Variants in VEGFB observed in about 807,000 individuals in gnomAD.
VEGFB encodes vascular endothelial growth factor B.
VEGFB carries 24 observed loss-of-function variants against 22.5 expected under a neutral mutation model. The observed-to-expected ratio is 1.07, with a 90% confidence interval of 0.77 to 1.50. The LOEUF (loss-of-function observed/expected upper bound fraction) is 1.50, where lower values mean the gene tolerates loss of function less well. Among genes scored for constraint, VEGFB ranks in the 40% most tolerant of loss-of-function variants. The pLI, the probability that VEGFB is intolerant of heterozygous loss-of-function variation, is 0.00. For synonymous variants in VEGFB, 141 were observed against 117.4 expected, an observed-to-expected ratio of 1.20 and a Z score of -1.30; for missense variants, 327 against 287.8, an observed-to-expected ratio of 1.14 and a Z score of -0.99.
Position 64,235,988 on chromosome 11 carries a change from G to A in VEGFB, c.279G>A (p.Gly93=). 6.2e-7 allele frequency: 1 copy of A among 1,600,390 alleles called. No homozygotes were observed. The highest frequency in any genetic ancestry group is 8.5e-7 in the Non-Finnish European group (1 of 1,174,130). Residue 93 remains glycine (G), a synonymous_variant, in exon 3 of 7, where the codon GGG becomes GGA. Coordinates refer to ENST00000309422, the MANE Select transcript of VEGFB (RefSeq NM_003377.5). ...ATGGCCTGGAGTGTGTGCCCACTGG[G>A]CAGCACCAAGTCCGGATGCAGGTAC... is the stretch of plus-strand genomic sequence containing the variant. The part of the protein sequence containing the change: ...PDDGLECVPT[G]QHQVRMQILM...
chr11:64,235,539 A>G (rs1341878730), intron 2 of VEGFB, 39 bp downstream of exon 2: 2 of 1,605,990 alleles, frequency 1.2e-6, no homozygotes, highest in Non-Finnish European at 1.7e-6. Context: ...CAGCACTAAG[A>G]GGGTTTGTCA....
intron 3 of VEGFB, 87 bp from the exon 4 acceptor site, chr11:64,236,167 G>A: frequency 6.4e-7 from 1 of 1,563,688 alleles, no homozygotes; most frequent in African/African-American, 1.3e-5. Flanking sequence ...CCTCCCGGCT[G>A]TTGGGTGAGC....
chr11:64,235,796 T>C lies in VEGFB; in HGVS notation c.104-17T>C, dbSNP rs771010386. ...GGAAAACCAGTGAGGACTTAACCCC[T>C]ACCGGTCTGCTCCCAGTGGTGTCAT... On this transcript the variant is annotated splice_polypyrimidine_tract_variant and intron_variant, in intron 2 of 6. Transcript: ENST00000309422. 48 of 1,613,362 alleles carry C rather than the reference T, an allele frequency of 3.0e-5. No individual in the cohort carries two copies. The highest frequency in any genetic ancestry group is 3.9e-5 in the Non-Finnish European group (46 of 1,179,914).
At chr11:64,236,132 G>A (rs2029995008) in intron 3 of VEGFB, 122 bp from the exon 4 acceptor site, 2 of 1,535,254 alleles carry the variant, frequency 1.3e-6, no homozygotes, top group South Asian at 1.2e-5. Context: ...CAGGAGACAG[G>A]GTTGGGGGGA....
rs1485069271 is a variant in VEGFB, at chr11:64,237,586, G to GC, written c.579dup (p.Ala194ArgfsTer30). 1 of 1,596,040 alleles carries GC rather than the reference G, an allele frequency of 6.3e-7. No homozygotes were observed. Among genetic ancestry groups the GC allele is most frequent in the Non-Finnish European group, 8.5e-7 (1 of 1,175,424 alleles). ...CGCCCTGACCCCCGGACCTGCCGCT[G>GC]CCGCTGCCGACGCCGCAGCTTCCTC... On this transcript the variant is annotated frameshift_variant, in exon 6 of 7. Coordinates refer to ENST00000309422, the MANE Select transcript of VEGFB (RefSeq NM_003377.5). LOFTEE classifies it high-confidence loss of function.
chr11:64,235,589 C>T, intron 2 of VEGFB, 89 bp downstream of exon 2: 1 of 1,411,282 alleles, frequency 7.1e-7, no homozygotes, highest in Non-Finnish European at 1.0e-6. Context: ...TGTGTAACTC[C>T]CCTAGAAGAT....
chr11:64,235,715 G>A, intron 2 of VEGFB, 98 bp from the exon 3 acceptor site: 1 of 1,454,996 alleles, frequency 6.9e-7, no homozygotes, highest in Non-Finnish European at 9.5e-7. Context: ...GGGAGGGCTA[G>A]TGGAGGGTGG....
At position 64,237,543 on chromosome 11, in the gene VEGFB, T is replaced by C; in HGVS notation, c.534T>C (p.Ala178=). 1 of 1,608,462 alleles carries C rather than the reference T, an allele frequency of 6.2e-7. No homozygotes were observed. The highest frequency in any genetic ancestry group is 8.5e-7 in the Non-Finnish European group (1 of 1,179,326). The part of the protein sequence containing the change: ...PTPAPGPSAH[A]APSTTSALTP... ...CAGCCCCAGGCCCCTCTGCCCACGC[T>C]GCACCCAGCACCACCAGCGCCCTGA... Residue 178 remains alanine (A), a synonymous_variant, in exon 6 of 7, where the codon GCT becomes GCC. Transcript: ENST00000309422.
intron 4 of VEGFB, 69 bp downstream of exon 4, chr11:64,236,396 C>A: frequency 6.7e-7 from 1 of 1,492,480 alleles, no homozygotes; most frequent in South Asian, 1.1e-5. Flanking sequence ...TGGTGGTCCA[C>A]AGAACTGGGG....
chr11:64,236,970 C>G (rs61761270), intron 4 of VEGFB, among the ~76,000 whole-genome samples: 2 of 147,854 alleles, frequency 1.4e-5, no homozygotes, highest in East Asian at 2.1e-4. Flanking sequence ...GTAATCCCAG[C>G]TACTTGGGAG....
At chr11:64,238,277 G>C (rs1414472710) in intron 6 of VEGFB, 79 bp from the exon 7 acceptor site, 2 of 1,516,956 alleles carry the variant, frequency 1.3e-6, no homozygotes, top group African/African-American at 2.8e-5. Context: ...TGTGATCTTA[G>C]TGGGCCCGAG....
chr11:64,234,927 G>A lies in VEGFB; in HGVS notation c.60+34G>A. ...GGCCCGACAGCGCGCCCGCCCGCCC[G>A]CCGTGCCCTCTCTCAAGGTTGGCGG... On this transcript the variant is annotated intron_variant, in intron 1 of 6. Coordinates refer to ENST00000309422, the MANE Select transcript of VEGFB (RefSeq NM_003377.5). The surrounding 1 kb of genome is among the most constrained non-coding windows in gnomAD (Gnocchi z 5.3). 2 of 1,273,198 alleles carry A rather than the reference G, an allele frequency of 1.6e-6. No individual in the cohort carries two copies. The highest frequency in any genetic ancestry group is 3.1e-5 in the East Asian group (1 of 32,128). 78.9% of individuals were successfully genotyped at this position (1,273,198 alleles called of 1,614,324 possible).
chr11:64,236,406 G>A (rs1437521353), intron 4 of VEGFB, 79 bp downstream of exon 4: 4 of 1,436,258 alleles, frequency 2.8e-6, no homozygotes, highest in Non-Finnish European at 3.9e-6. Context: ...CAGAACTGGG[G>A]ACCAGGTTCC....
At chr11:64,235,021 CG>C (rs1947231736) in intron 1 of VEGFB, 128 bp downstream of exon 1, 3 of 758,206 alleles carry the variant, frequency 4.0e-6, no homozygotes, top group Non-Finnish European at 1.8e-6. Flanking sequence ...GCGGGCGTCT[CG>C]GGGGCCCGGC....
At position 64,236,274 on chromosome 11, in the gene VEGFB, G is replaced by C. The variant is rs773876987; in HGVS notation, c.321G>C (p.Pro107=). 6.2e-7 allele frequency: 1 copy of C among 1,613,888 alleles called. No homozygotes were observed. The highest frequency in any genetic ancestry group is 1.3e-5 in the African/African-American group (1 of 75,026). Residue 107 remains proline (P), a synonymous_variant, in exon 4 of 7, where the codon CCG becomes CCC. Coordinates refer to ENST00000309422, the MANE Select transcript of VEGFB (RefSeq NM_003377.5). The part of the protein sequence containing the change: ...VRMQILMIRY[P]SSQLGEMSLE... Reference sequence around the variant, plus strand: ...CACAGATCCTCATGATCCGGTACCCGAGCAGTCAGCTGGGGGAGATGTCCC... The same window carrying C: ...CACAGATCCTCATGATCCGGTACCCCAGCAGTCAGCTGGGGGAGATGTCCC...
At chr11:64,235,577 C>G in intron 2 of VEGFB, 77 bp downstream of exon 2, 1 of 1,448,606 alleles carries the variant, frequency 6.9e-7, no homozygotes, top group Non-Finnish European at 9.7e-7. Flanking sequence ...TGTCCATCAT[C>G]TTGTGTAACT....
At chr11:64,236,611 G>A (rs1006969871) in intron 4 of VEGFB, among the ~76,000 whole-genome samples, 1 of 151,290 alleles carries the variant, frequency 6.6e-6, no homozygotes, top group East Asian at 1.9e-4. Flanking sequence ...CAGCTACTCC[G>A]GAGGCTGAGG....
In VEGFB at chr11:64,237,204, G is replaced by A. The variant is rs1318196217; in HGVS notation, c.392G>A (p.Ser131Asn). ...CTTTTCAGACCTAAAAAAAAGGACA[G>A]TGCTGTGAAGCCAGACAGGTGAGTC... ...QCECRPKKKD[S>N]AVKPDRAATP... The change falls in exon 5 of 7, where the codon AGT becomes AAT. Residue 131 changes from serine to asparagine, a missense_variant. Transcript: ENST00000309422. 5.6e-6 allele frequency: 9 copies of A among 1,608,438 alleles called. No homozygotes were observed. In the East Asian group the frequency reaches 1.6e-4, roughly 28 times the overall value.
rs1054504743 is a variant in VEGFB, at chr11:64,236,305, G to A, written c.352G>A (p.Glu118Lys). Reference protein sequence around the residue: ...SSQLGEMSLEEHSQCECRPKK... With the variant: ...SSQLGEMSLEKHSQCECRPKK... Reference sequence around the variant, plus strand: ...TCAGCTGGGGGAGATGTCCCTGGAAGAACACAGCCAGTGTGAATGCAGGTG... The same window carrying A: ...TCAGCTGGGGGAGATGTCCCTGGAAAAACACAGCCAGTGTGAATGCAGGTG... The change falls in exon 4 of 7, where the codon GAA becomes AAA. Residue 118 changes from glutamate to lysine, a missense_variant. Physicochemically the swap from Glu to Lys is moderately conservative, Grantham distance 56. Transcript: ENST00000309422. The A allele has an allele frequency of 6.2e-7, 1 of 1,613,884 alleles. No homozygotes were observed.
Sources: allele counts gnomAD v4.1 joint callset (sites outside exome capture counted in the v4.1 genomes callset), GRCh38; gene constraint gnomAD v4.1.1; non-coding constraint Gnocchi (gnomAD v3.1); transcripts MANE v1.5; gene names NCBI Gene and HGNC (gene_info 2026-07-23, HGNC 2026-07-21).